The following TAF3 variants were observed in gnomAD, a reference collection of about 807,000 sequenced individuals.
TAF3 encodes the protein TATA-box binding protein associated factor 3, also known as transcription initiation factor TFIID subunit 3.
Under a neutral mutation model 80.6 loss-of-function variants are expected in TAF3, and 7 were observed. The observed-to-expected ratio is 0.09, with a 90% CI of 0.05 to 0.16. The LOEUF (loss-of-function observed/expected upper bound fraction) is 0.16, where lower values mean the gene tolerates loss of function less well. Ranked by LOEUF, TAF3 falls within the 10% of genes least tolerant of loss-of-function variation. TAF3 has a pLI of 1.00. For synonymous variants in TAF3, 444 were observed against 446.1 expected (o/e 1.00, Z 0.06); for missense variants, 921 against 1,140.2 (o/e 0.81, Z 2.77).
At chr10:7,880,181 G>A (rs571058310) in intron 2 of TAF3, among the ~76,000 whole-genome samples, 16 of 152,190 alleles carry the variant, frequency 1.1e-4, no homozygotes, top group African/African-American at 3.6e-4. Context: ...CTAGGCTGCA[G>A]TGAGCTATGA....
chr10:7,930,106 G>A (rs1420605333), intron 2 of TAF3, among the ~76,000 whole-genome samples: 2 of 152,138 alleles, frequency 1.3e-5, no homozygotes, highest in Admixed American at 6.6e-5. Context: ...CCTGAGGCGG[G>A]AGGATCACTT....
chr10:7,963,199 A>T (rs1831527363), intron 2 of TAF3, among the ~76,000 whole-genome samples: 1 of 152,176 alleles, frequency 6.6e-6, no homozygotes. Context: ...AATACCTGTC[A>T]TTCCTGATAA....
chr10:7,958,888 A>G (rs752694785), intron 2 of TAF3, among the ~76,000 whole-genome samples: 3 of 152,116 alleles, frequency 2.0e-5, no homozygotes, highest in African/African-American at 7.2e-5. Flanking sequence ...TAATCCCAGC[A>G]CTTTGGGAGG....
intron 3 of TAF3, among the ~76,000 whole-genome samples, chr10:7,974,620 A>G (rs1424312744): frequency 1.3e-5 from 2 of 152,180 alleles, no homozygotes; most frequent in African/African-American, 4.8e-5. Flanking sequence ...GAGAAGACCT[A>G]TAATGGGAAA....
intron 4 of TAF3, among the ~76,000 whole-genome samples, chr10:7,991,219 G>A (rs187404922): frequency 1.3e-5 from 2 of 151,734 alleles, no homozygotes; most frequent in African/African-American, 4.8e-5. Context: ...ATACACATCC[G>A]TATGCATGTA....
intron 2 of TAF3, among the ~76,000 whole-genome samples, chr10:7,828,661 TCA>T (rs1375251488): frequency 6.6e-6 from 1 of 151,728 alleles, no homozygotes; most frequent in Non-Finnish European, 1.5e-5. Flanking sequence ...TTGTTGGTTC[TCA>T]CAGTGTGGTC....
At chr10:7,829,461 T>G (rs1376125541) in intron 2 of TAF3, among the ~76,000 whole-genome samples, 2 of 152,180 alleles carry the variant, frequency 1.3e-5, no homozygotes, top group Non-Finnish European at 2.9e-5. Context: ...GCTGTGACAG[T>G]TTTTCAGACT....
chr10:7,819,457 G>C (rs181305154), intron 1 of TAF3, among the ~76,000 whole-genome samples: 3 of 152,174 alleles, frequency 2.0e-5, no homozygotes, highest in African/African-American at 7.2e-5. Flanking sequence ...CAGTTTCGCT[G>C]ATTAGATGTA....
intron 2 of TAF3, among the ~76,000 whole-genome samples, chr10:7,846,875 T>C (rs1383662801): frequency 6.6e-6 from 1 of 152,182 alleles, no homozygotes; most frequent in Non-Finnish European, 1.5e-5. Flanking sequence ...TAAGTAATAA[T>C]GATACAATAG....
intron 4 of TAF3, among the ~76,000 whole-genome samples, chr10:7,989,768 C>G (rs1349422745): frequency 6.6e-6 from 1 of 152,074 alleles, no homozygotes; most frequent in Non-Finnish European, 1.5e-5. Context: ...GTATAAAACC[C>G]TTTGACCCCA....
chr10:7,914,946 T>A (rs1198702599), intron 2 of TAF3, among the ~76,000 whole-genome samples: 1 of 141,678 alleles, frequency 7.1e-6, no homozygotes, highest in Non-Finnish European at 1.5e-5. Flanking sequence ...TTTTTTTTTT[T>A]TTTTTTTTTT....
chr10:7,849,663 G>A (rs1244481), intron 2 of TAF3, among the ~76,000 whole-genome samples: 1 of 151,422 alleles, frequency 6.6e-6, no homozygotes, highest in African/African-American at 2.4e-5. Flanking sequence ...CTATTGGGGG[G>A]GTTCATGCGA....
At chr10:7,996,374 A>G (rs1322319819) in intron 4 of TAF3, among the ~76,000 whole-genome samples, 2 of 152,126 alleles carry the variant, frequency 1.3e-5, no homozygotes, top group Non-Finnish European at 2.9e-5. Flanking sequence ...TTTATGACCT[A>G]TCCTTGGAGG....
intron 2 of TAF3, among the ~76,000 whole-genome samples, chr10:7,927,479 C>G (rs1309524108): frequency 6.6e-6 from 1 of 152,232 alleles, no homozygotes; most frequent in African/African-American, 2.4e-5. Context: ...TTTGTTCCCT[C>G]CACTGTCTTC....
At chr10:7,971,305 C>T (rs1310576631) in intron 3 of TAF3, among the ~76,000 whole-genome samples, 2 of 152,146 alleles carry the variant, frequency 1.3e-5, no homozygotes, top group African/African-American at 4.8e-5. Context: ...TGGTTACAGC[C>T]ATAGTTCAGC....
rs1002612254 is a variant in TAF3 at position 7,824,408 on chromosome 10, A to G, written c.257A>G (p.Asn86Ser). The G allele has an allele frequency of 6.2e-7, 1 of 1,614,182 alleles. No homozygotes were observed. The highest frequency in any genetic ancestry group is 8.5e-7 in the Non-Finnish European group (1 of 1,180,018). Reference protein sequence around the residue: ...SLHELEDYIHNIEPVTFPHQI... With the variant: ...SLHELEDYIHSIEPVTFPHQI... Reference sequence around the variant, plus strand: ...CATGAACTAGAAGACTATATTCACAACATTGAGCCTGTCACCTTCCCACAC... The same window carrying G: ...CATGAACTAGAAGACTATATTCACAGCATTGAGCCTGTCACCTTCCCACAC... Residue 86 changes from asparagine (N) to serine (S), a missense_variant, in exon 2 of 7, where the codon AAC (asparagine) becomes AGC (serine). This residue lies in a region of TAF3 where 106 missense variants were observed against 191.8 expected (regional missense o/e 0.55). Coordinates refer to ENST00000344293, the MANE Select transcript of TAF3 (RefSeq NM_031923.4).
intron 2 of TAF3, among the ~76,000 whole-genome samples, chr10:7,959,072 G>A (rs1331574100): frequency 5.9e-5 from 9 of 151,834 alleles, no homozygotes; most frequent in African/African-American, 1.9e-4. Flanking sequence ...CCCAGGAGGC[G>A]GAGCTTGCAG....
At chr10:7,899,218 C>T (rs901707080) in intron 2 of TAF3, among the ~76,000 whole-genome samples, 7 of 152,190 alleles carry the variant, frequency 4.6e-5, no homozygotes, top group African/African-American at 1.4e-4. Flanking sequence ...CAGTCTCCCT[C>T]GATCTGGAGC....
At chr10:7,947,977 A>T (rs1346076303) in intron 2 of TAF3, among the ~76,000 whole-genome samples, 3 of 149,402 alleles carry the variant, frequency 2.0e-5, no homozygotes, top group Non-Finnish European at 4.5e-5. Context: ...ATGTTGACGC[A>T]CTATAACTTC....
Sources: allele counts gnomAD v4.1 joint callset (sites outside exome capture counted in the v4.1 genomes callset), GRCh38; gene constraint gnomAD v4.1.1; regional missense constraint gnomAD v4.1.1; transcripts MANE v1.5; gene names NCBI Gene and HGNC (gene_info 2026-07-23, HGNC 2026-07-21).